The following ROBO2 variants were observed in gnomAD, a reference collection of about 807,000 sequenced individuals.
ROBO2 encodes roundabout guidance receptor 2, also known as roundabout homolog 2.
A neutral mutation model predicts 160.8 loss-of-function variants in ROBO2; 53 were observed. That is an observed-to-expected ratio of 0.33 (90% confidence interval 0.26 to 0.41). The LOEUF (loss-of-function observed/expected upper bound fraction) is 0.41. ROBO2 is among the 10% of genes least tolerant of loss of function. The pLI, the probability that ROBO2 is intolerant of heterozygous loss-of-function variation, is 1.00. For missense variants in ROBO2, 1,577 were observed against 1,722.4 expected (o/e 0.92, Z 1.49); for synonymous variants, 664 against 611.7 (o/e 1.09, Z -1.26).
chr3:76,075,169 C>CATGCT (rs1487209344), intron 2 of ROBO2, among the ~76,000 whole-genome samples: 48 of 151,970 alleles, frequency 3.2e-4, no homozygotes, highest in African/African-American at 1.1e-3. Context: ...GTGTGGAGCC[C>CATGCT]TGTCACCCAT....
intron 2 of ROBO2, among the ~76,000 whole-genome samples, chr3:76,821,324 A>G (rs374760912): frequency 6.6e-6 from 1 of 151,994 alleles, no homozygotes; most frequent in Admixed American, 6.6e-5. Context: ...TCCTTTACAT[A>G]GTTCAACAAT....
At chr3:76,834,770 T>C (rs1343250759) in intron 2 of ROBO2, among the ~76,000 whole-genome samples, 2 of 152,178 alleles carry the variant, frequency 1.3e-5, no homozygotes, top group African/African-American at 4.8e-5. Context: ...TTACAGAATT[T>C]AAGGAGTAAA....
intron 2 of ROBO2, among the ~76,000 whole-genome samples, chr3:77,385,807 G>C (rs1261251147): frequency 6.6e-6 from 1 of 152,128 alleles, no homozygotes; most frequent in African/African-American, 2.4e-5. Flanking sequence ...CTTTGTTGCA[G>C]AATTTAGGTA....
At chr3:77,237,846 T>C (rs2088311080) in intron 2 of ROBO2, among the ~76,000 whole-genome samples, 1 of 152,204 alleles carries the variant, frequency 6.6e-6, no homozygotes, top group African/African-American at 2.4e-5. Flanking sequence ...TACCATTTTA[T>C]CTTCTCCCCA....
intron 2 of ROBO2, among the ~76,000 whole-genome samples, chr3:76,948,187 T>A (rs1466291942): frequency 1.3e-5 from 2 of 152,200 alleles, no homozygotes; most frequent in Non-Finnish European, 2.9e-5. Flanking sequence ...GAAAGTATAA[T>A]TTTCACTCTT....
At chr3:77,081,294 C>T (rs1401802779) in intron 1 of ROBO2, among the ~76,000 whole-genome samples, 1 of 152,148 alleles carries the variant, frequency 6.6e-6, no homozygotes, top group African/African-American at 2.4e-5. Flanking sequence ...ATTATTACGC[C>T]ATTGGCCACA....
intron 2 of ROBO2, among the ~76,000 whole-genome samples, chr3:77,451,049 C>T (rs112731291): frequency 0.019 from 2,892 of 152,166 alleles, 96 homozygotes; most frequent in African/African-American, 0.065. Flanking sequence ...ATTAAGCTTT[C>T]CTGATACCAC....
At chr3:77,370,747 G>T (rs4407388) in intron 2 of ROBO2, among the ~76,000 whole-genome samples, 124,755 of 152,198 alleles carry the variant, frequency 0.82, 51,397 homozygotes, top group East Asian at 1. Context: ...TTGATGAAAG[G>T]CAAGTGTCAG....
chr3:77,350,566 T>G (rs1358394072), intron 2 of ROBO2, among the ~76,000 whole-genome samples: 1 of 152,110 alleles, frequency 6.6e-6, no homozygotes, highest in African/African-American at 2.4e-5. Flanking sequence ...AGGAGGCTCC[T>G]AAATTAGAGA....
chr3:76,677,658 A>AG (rs1010742114), intron 2 of ROBO2, among the ~76,000 whole-genome samples: 11 of 152,092 alleles, frequency 7.2e-5, no homozygotes, highest in Admixed American at 3.3e-4. Context: ...AGTAATAGCT[A>AG]GGGGTCACAA....
chr3:76,021,045 A>G (rs941022186), intron 2 of ROBO2, among the ~76,000 whole-genome samples: 3 of 151,680 alleles, frequency 2.0e-5, no homozygotes, highest in African/African-American at 4.8e-5. Context: ...TGTTCATTTT[A>G]TTACCATGTT....
intron 2 of ROBO2, among the ~76,000 whole-genome samples, chr3:76,032,832 G>A (rs561886587): frequency 2.6e-5 from 4 of 152,234 alleles, no homozygotes; most frequent in East Asian, 1.9e-4. Context: ...TAAAAATTAC[G>A]TATTGAGTGG....
At chr3:76,076,875 T>C (rs181530759) in intron 2 of ROBO2, among the ~76,000 whole-genome samples, 57 of 152,352 alleles carry the variant, frequency 3.7e-4, no homozygotes, top group African/African-American at 1.3e-3. Flanking sequence ...CTTTAACTGT[T>C]GTACTGTCGA....
intron 2 of ROBO2, among the ~76,000 whole-genome samples, chr3:76,842,129 C>T (rs1373142036): frequency 6.6e-6 from 1 of 152,154 alleles, no homozygotes; most frequent in Admixed American, 6.5e-5. Flanking sequence ...GAATCAATGA[C>T]ACGATGGAAA....
At chr3:76,899,013 G>T (rs1479530286) in intron 2 of ROBO2, among the ~76,000 whole-genome samples, 1 of 152,072 alleles carries the variant, frequency 6.6e-6, no homozygotes, top group Non-Finnish European at 1.5e-5. Flanking sequence ...AAGACATAAA[G>T]GAAGGTAATT....
intron 2 of ROBO2, among the ~76,000 whole-genome samples, chr3:76,100,985 A>G (rs2069660048): frequency 6.6e-6 from 1 of 152,166 alleles, no homozygotes; most frequent in Admixed American, 6.5e-5. Context: ...GTAAATTAAC[A>G]AGATAATTGA....
chr3:76,842,377 C>T (rs2068368512), intron 2 of ROBO2, among the ~76,000 whole-genome samples: 1 of 152,240 alleles, frequency 6.6e-6, no homozygotes, highest in African/African-American at 2.4e-5. Context: ...TCCTTGTCCA[C>T]ATTATTAGTC....
intron 2 of ROBO2, among the ~76,000 whole-genome samples, chr3:76,928,248 G>A (rs1305441992): frequency 6.6e-6 from 1 of 152,094 alleles, no homozygotes; most frequent in Non-Finnish European, 1.5e-5. Context: ...GTGGACTCTA[G>A]AAGTCAGAAC....
chr3:76,968,047 T>C (rs572881324), intron 2 of ROBO2, among the ~76,000 whole-genome samples: 1 of 152,246 alleles, frequency 6.6e-6, no homozygotes, highest in Admixed American at 6.5e-5. Context: ...TGTTTATATA[T>C]ATATTTTTTG....
Sources: gnomAD v4.1 joint callset for allele counts (sites outside exome capture counted in the v4.1 genomes callset) on GRCh38, gnomAD v4.1.1 for gene constraint, MANE v1.5 for transcripts, NCBI Gene and HGNC (gene_info 2026-07-23, HGNC 2026-07-21) for gene names.